The following IDH3A variants were observed in gnomAD, a reference collection of about 807,000 sequenced individuals.
IDH3A encodes the protein isocitrate dehydrogenase (NAD(+)) 3 catalytic subunit alpha, also known as isocitrate dehydrogenase [NAD] subunit alpha, mitochondrial.
In IDH3A, 23 loss-of-function variants were observed where a neutral mutation model predicts 43.3. That is an observed-to-expected ratio of 0.53 (90% confidence interval 0.38 to 0.75). The LOEUF (loss-of-function observed/expected upper bound fraction) is 0.75. IDH3A is among the 30% of genes least tolerant of loss of function. IDH3A has a pLI of 0.00. For synonymous variants in IDH3A, 154 were observed against 163.5 expected, an observed-to-expected ratio of 0.94 and a Z score of 0.44; for missense variants, 329 against 474.4, an observed-to-expected ratio of 0.69 and a Z score of 2.85.
At chr15:78,158,063 C>A (rs2074641357) in intron 3 of IDH3A, among the ~76,000 whole-genome samples, 3 of 152,064 alleles carry the variant, frequency 2.0e-5, no homozygotes, top group Non-Finnish European at 4.4e-5. Context: ...TTAAGTCCTG[C>A]TTGGGTTTAA....
rs1321374017 is a variant in IDH3A at position 78,171,108 on chromosome 15, G to C, written c.*2103G>C. ...CCCGCTCCACAGCCTACTGCTGGCT[G>C]TCCTGTATGTGAGCTAGCAGCTTTT... On this transcript the variant is annotated 3_prime_UTR_variant, in exon 11 of 11. Coordinates refer to ENST00000299518, the MANE Select transcript of IDH3A (RefSeq NM_005530.3). The C allele has an allele frequency of 1.0e-5, 2 of 200,620 alleles. No homozygotes were observed. Among genetic ancestry groups the C allele is most frequent in the Non-Finnish European group, 2.0e-5 (2 of 97,662 alleles). The allele number at this position is 200,620 out of a possible 1,614,324, so 12.4% of individuals were successfully genotyped here.
At chr15:78,156,884 A>G (rs1430228929) in intron 2 of IDH3A, 24 of 1,349,248 alleles carry the variant, frequency 1.8e-5, no homozygotes, top group Non-Finnish European at 2.4e-5. Flanking sequence ...GTATGATGAC[A>G]TATACTATTC....
At chr15:78,149,529 C>G (rs1375684364) in intron 1 of IDH3A, 99 bp downstream of exon 1, 2 of 1,096,160 alleles carry the variant, frequency 1.8e-6, no homozygotes, top group Non-Finnish European at 2.5e-6. Context: ...GTGGGCCAGA[C>G]AGGGAGGCGG....
chr15:78,166,955 A>G (rs1015615404), intron 10 of IDH3A, among the ~76,000 whole-genome samples: 2 of 152,146 alleles, frequency 1.3e-5, no homozygotes, highest in African/African-American at 2.4e-5. Flanking sequence ...TTTATAGACA[A>G]CTTTTTACTC....
chr15:78,162,106 TG>T, intron 5 of IDH3A, 127 bp from the exon 6 acceptor site: 1 of 883,610 alleles, frequency 1.1e-6, no homozygotes, highest in Non-Finnish European at 1.8e-6. Context: ...TAGCAGTGTG[TG>T]TGATTAGTCA....
At chr15:78,165,889 A>C (rs137937595) in intron 9 of IDH3A, among the ~76,000 whole-genome samples, 2 of 151,912 alleles carry the variant, frequency 1.3e-5, no homozygotes, top group Non-Finnish European at 2.9e-5. Flanking sequence ...GGGTCTCACT[A>C]TGTTGCCCAG....
intron 9 of IDH3A, 119 bp downstream of exon 9, chr15:78,165,195 CTTTT>C: frequency 1.7e-6 from 1 of 573,340 alleles, no homozygotes; most frequent in Non-Finnish European, 3.1e-6. Context: ...CAAAATGATG[CTTTT>C]TTTTTTTCTC....
chr15:78,164,951 T>G (rs759387693), intron 8 of IDH3A, 41 bp from the exon 9 acceptor site: 3 of 1,522,700 alleles, frequency 2.0e-6, no homozygotes, highest in Non-Finnish European at 2.7e-6. Context: ...TGAGATGTTT[T>G]ATTTTTAAAA....
rs2074816175 is a variant in IDH3A, at chr15:78,171,096, C to T, written c.*2091C>T. ...ATCTCTCTCCTACCCGCTCCACAGC[C>T]TACTGCTGGCTGTCCTGTATGTGAG... is the stretch of plus-strand genomic sequence containing the variant. On this transcript the variant is annotated 3_prime_UTR_variant, in exon 11 of 11. Transcript: ENST00000299518. 5.3e-6 allele frequency: 1 copy of T among 189,142 alleles called. No homozygotes were observed. Among genetic ancestry groups the T allele is most frequent in the African/African-American group, 2.4e-5 (1 of 42,484 alleles). The allele number at this position is 189,142 out of a possible 1,614,324, so 11.7% of individuals were successfully genotyped here.
At chr15:78,151,896 G>A (rs1247570274) in intron 1 of IDH3A, among the ~76,000 whole-genome samples, 6 of 152,024 alleles carry the variant, frequency 3.9e-5, no homozygotes, top group Non-Finnish European at 7.4e-5. Flanking sequence ...CACCATACCT[G>A]GCTAACATTT....
rs1228946611 is a variant in IDH3A at position 78,171,379 on chromosome 15, G to A, written c.*2374G>A. On this transcript the variant is annotated 3_prime_UTR_variant, in exon 11 of 11. Transcript: ENST00000299518. ...CCTGTGCCCAGACTGAAGAGACCTG[G>A]GGCTCAGGAAGAGGCTCGGAACGCC... The A allele has an allele frequency of 7.2e-7, 1 of 1,392,760 alleles. No individual in the cohort carries two copies. 86.3% of individuals were successfully genotyped at this position (1,392,760 alleles called of 1,614,324 possible).
intron 4 of IDH3A, among the ~76,000 whole-genome samples, chr15:78,160,736 C>T (rs749573189): frequency 1.3e-5 from 2 of 152,194 alleles, no homozygotes; most frequent in Non-Finnish European, 2.9e-5. Flanking sequence ...TCAAGCAATC[C>T]TTCTGCCTCT....
rs1056133621 is a variant in IDH3A, at chr15:78,169,670, A to T, written c.*665A>T. Reference sequence around the variant, plus strand: ...AAGGTAATATATTGGATACAAAGACACAAATGTATTGTGTGTTCAATTATT... The same window carrying T: ...AAGGTAATATATTGGATACAAAGACTCAAATGTATTGTGTGTTCAATTATT... On this transcript the variant is annotated 3_prime_UTR_variant, in exon 11 of 11. Transcript: ENST00000299518. 1 of 152,254 alleles carries T rather than the reference A, an allele frequency of 6.6e-6. No individual in the cohort carries two copies. Among genetic ancestry groups the T allele is most frequent in the Non-Finnish European group, 1.5e-5 (1 of 68,040 alleles). 9.4% of individuals were successfully genotyped at this position (152,254 alleles called of 1,614,324 possible). A position where few individuals can be genotyped will look rare whatever the true frequency, so the allele number is the denominator to read the frequency against.
At chr15:78,168,673 C>G (rs948253604) in intron 10 of IDH3A, 13 of 314,384 alleles carry the variant, frequency 4.1e-5, no homozygotes, top group Non-Finnish European at 7.0e-5. Flanking sequence ...GTAAAGCTCC[C>G]TGCCTCCCTT....
intron 1 of IDH3A, chr15:78,150,980 C>T (rs1178331926): frequency 6.6e-6 from 1 of 152,228 alleles, no homozygotes; most frequent in African/African-American, 2.4e-5. Context: ...TTTGCCTTCA[C>T]AGTGAGGCAC....
chr15:78,163,451 A>AT (rs1389322133), intron 6 of IDH3A, 56 bp from the exon 7 acceptor site: 1 of 1,253,360 alleles, frequency 8.0e-7, no homozygotes, highest in Non-Finnish European at 1.2e-6. Flanking sequence ...CTTTGATTTG[A>AT]TTCTTTTCTT....
Position 78,171,492 on chromosome 15 carries a change from C to T in IDH3A, c.*2487C>T. 17 of 1,614,176 alleles carry T rather than the reference C, an allele frequency of 1.1e-5. No homozygotes were observed. The highest frequency in any genetic ancestry group is 1.4e-5 in the Non-Finnish European group (16 of 1,180,020). On this transcript the variant is annotated 3_prime_UTR_variant, in exon 11 of 11. Coordinates refer to ENST00000299518, the MANE Select transcript of IDH3A (RefSeq NM_005530.3). Reference sequence around the variant, plus strand: ...AGGAGTCAATGATACCTTTGTACTTCTCCAAAACTGTGAGCCGTTTCAGTT... The same window carrying T: ...AGGAGTCAATGATACCTTTGTACTTTTCCAAAACTGTGAGCCGTTTCAGTT...
chr15:78,158,085 C>A (rs891620748), intron 3 of IDH3A, among the ~76,000 whole-genome samples: 2 of 152,010 alleles, frequency 1.3e-5, no homozygotes, highest in African/African-American at 4.8e-5. Context: ...ATCTTTTAAG[C>A]CCTGCCAAAT....
At chr15:78,158,463 ATTTT>A (rs67298643) in intron 3 of IDH3A, among the ~76,000 whole-genome samples, 3 of 67,372 alleles carry the variant, frequency 4.5e-5, no homozygotes, top group African/African-American at 1.1e-4. Flanking sequence ...ATATATATAT[ATTTT>A]TTTTTTTTTT....
Sources: allele counts gnomAD v4.1 joint callset (sites outside exome capture counted in the v4.1 genomes callset), GRCh38; gene constraint gnomAD v4.1.1; transcripts MANE v1.5; gene names NCBI Gene and HGNC (gene_info 2026-07-23, HGNC 2026-07-21).